Variants in SPMIP2 observed in about 807,000 individuals in gnomAD.
The protein encoded by SPMIP2 is sperm microtubule inner protein 2, also known as protein SPMIP2.
At chr4:159,023,108 TCAACTTGA>T in the SPMIP2 span, among the ~76,000 whole-genome samples, 1 of 152,136 alleles carries the variant, frequency 6.6e-6, no homozygotes, top group Admixed American at 6.5e-5. Flanking sequence ...AGTGTGTGTG[TCAACTTGA>T]CTGGGCTAAA....
the SPMIP2 span, chr4:159,007,544 G>T: frequency 9.4e-7 from 1 of 1,058,780 alleles, no homozygotes; most frequent in Non-Finnish European, 1.4e-6. Flanking sequence ...TAGCAATCCA[G>T]GAGAAGGTGC....
the SPMIP2 span, chr4:158,893,631 T>C: frequency 1.5e-6 from 2 of 1,334,726 alleles, no homozygotes; most frequent in Admixed American, 2.0e-5. Context: ...ATTATTATGA[T>C]CTTATTTTTT....
the SPMIP2 span, among the ~76,000 whole-genome samples, chr4:158,950,592 C>T: frequency 1.2e-4 from 18 of 152,134 alleles, no homozygotes; most frequent in African/African-American, 1.2e-4. Flanking sequence ...GGAATTGAGT[C>T]GGTCTTCAAA....
the SPMIP2 span, among the ~76,000 whole-genome samples, chr4:158,924,062 T>C: frequency 2.0e-5 from 3 of 152,166 alleles, no homozygotes; most frequent in African/African-American, 7.2e-5. Flanking sequence ...ACTCTGCATA[T>C]GCACATAGAA....
the SPMIP2 span, among the ~76,000 whole-genome samples, chr4:158,909,751 A>G: frequency 6.6e-6 from 1 of 151,828 alleles, no homozygotes; most frequent in African/African-American, 2.4e-5. Flanking sequence ...TTTTTTTAAA[A>G]AAAATTTGGG....
At chr4:158,927,546 C>T in the SPMIP2 span, among the ~76,000 whole-genome samples, 2 of 152,230 alleles carry the variant, frequency 1.3e-5, no homozygotes, top group African/African-American at 2.4e-5. Flanking sequence ...GCTGGCAGTC[C>T]TCACAGCCCT....
the SPMIP2 span, among the ~76,000 whole-genome samples, chr4:158,999,385 C>A: frequency 6.7e-4 from 102 of 152,272 alleles, no homozygotes; most frequent in African/African-American, 2.2e-3. Context: ...TTAGGAAGGG[C>A]TTGTCTATTT....
the SPMIP2 span, among the ~76,000 whole-genome samples, chr4:158,974,783 C>A: frequency 1.3e-5 from 2 of 152,136 alleles, no homozygotes; most frequent in African/African-American, 2.4e-5. Context: ...GTGCATGTGT[C>A]TTTATAGTAG....
chr4:159,022,121 A>G, the SPMIP2 span, among the ~76,000 whole-genome samples: 3 of 152,200 alleles, frequency 2.0e-5, no homozygotes, highest in Non-Finnish European at 4.4e-5. Context: ...AAGAGTCTGG[A>G]AATCCCTAAA....
At chr4:159,055,735 C>T in the SPMIP2 span, among the ~76,000 whole-genome samples, 1 of 151,708 alleles carries the variant, frequency 6.6e-6, no homozygotes, top group Non-Finnish European at 1.5e-5. Flanking sequence ...AATAAATAAA[C>T]AAATATAAAA....
the SPMIP2 span, among the ~76,000 whole-genome samples, chr4:159,052,957 T>TA: frequency 0.28 from 28,493 of 100,556 alleles, 3,440 homozygotes; most frequent in East Asian, 0.58. Context: ...TTATTATTAT[T>TA]TTTTTTTTTT....
At chr4:158,949,432 T>A in the SPMIP2 span, among the ~76,000 whole-genome samples, 1 of 152,162 alleles carries the variant, frequency 6.6e-6, no homozygotes, top group South Asian at 2.1e-4. Context: ...TCCAGTGGAG[T>A]AGATTCTGTT....
the SPMIP2 span, among the ~76,000 whole-genome samples, chr4:158,924,733 C>G: frequency 6.6e-6 from 1 of 152,116 alleles, no homozygotes. Flanking sequence ...TATACTTGAA[C>G]TTCTAGGCCC....
the SPMIP2 span, among the ~76,000 whole-genome samples, chr4:158,959,875 G>A: frequency 6.6e-6 from 1 of 152,044 alleles, no homozygotes; most frequent in Non-Finnish European, 1.5e-5. Context: ...TATTAACCAA[G>A]ATTACCCATT....
chr4:159,063,966 T>C, the SPMIP2 span, among the ~76,000 whole-genome samples: 1 of 152,216 alleles, frequency 6.6e-6, no homozygotes, highest in Non-Finnish European at 1.5e-5. Context: ...TTCTAAAATC[T>C]TTCTAAAAAA....
At chr4:158,975,241 G>A in the SPMIP2 span, among the ~76,000 whole-genome samples, 1 of 147,466 alleles carries the variant, frequency 6.8e-6, no homozygotes, top group Non-Finnish European at 1.5e-5. Context: ...CTCCCGTTCT[G>A]TAGGTTGCCT....
the SPMIP2 span, among the ~76,000 whole-genome samples, chr4:158,927,843 C>T: frequency 4.0e-5 from 6 of 150,108 alleles, no homozygotes; most frequent in Non-Finnish European, 5.9e-5. Flanking sequence ...GCTTAGCACC[C>T]GGGCCAGCAG....
the SPMIP2 span, among the ~76,000 whole-genome samples, chr4:158,977,763 C>T: frequency 6.6e-6 from 1 of 151,924 alleles, no homozygotes; most frequent in Admixed American, 6.6e-5. Flanking sequence ...CACAGGCGCC[C>T]GCCACCACGC....
the SPMIP2 span, among the ~76,000 whole-genome samples, chr4:158,977,995 C>G: frequency 6.6e-6 from 1 of 152,142 alleles, no homozygotes; most frequent in Non-Finnish European, 1.5e-5. Flanking sequence ...TTCTCTAGCT[C>G]TTTTAATTGT....
Sources: allele counts gnomAD v4.1 joint callset (sites outside exome capture counted in the v4.1 genomes callset), GRCh38; gene constraint gnomAD v4.1.1; transcripts MANE v1.5; gene names NCBI Gene and HGNC (gene_info 2026-07-23, HGNC 2026-07-21).